The following PAM variants were observed in gnomAD, a reference collection of about 807,000 sequenced individuals.
PAM encodes the protein peptidyl-glycine alpha-amidating monooxygenase.
Under a neutral mutation model 122.1 loss-of-function variants are expected in PAM, and 72 were observed. The ratio of observed to expected loss-of-function variants is 0.59; its 90% CI spans 0.49 to 0.72. The LOEUF (loss-of-function observed/expected upper bound fraction) is 0.72, where lower values mean the gene tolerates loss of function less well. Among genes scored for constraint, PAM ranks in the 30% least tolerant of loss-of-function variants. PAM has a pLI of 0.00. For synonymous variants in PAM, 389 were observed against 404.4 expected, an observed-to-expected ratio of 0.96 and a Z score of 0.46; for missense variants, 1,106 against 1,183.7, an observed-to-expected ratio of 0.93 and a Z score of 0.96.
At chr5:102,980,953 T>A (rs77813341) in intron 15 of PAM, among the ~76,000 whole-genome samples, 4,838 of 152,290 alleles carry the variant, frequency 0.032, 260 homozygotes, top group African/African-American at 0.11. Context: ...TTACACATCA[T>A]CTTTACTGTT....
At chr5:102,833,231 A>G (rs1380061940) in intron 1 of PAM, among the ~76,000 whole-genome samples, 3 of 152,052 alleles carry the variant, frequency 2.0e-5, no homozygotes, top group Non-Finnish European at 4.4e-5. Flanking sequence ...TTGGTTGGGG[A>G]AATTTAGAGG....
chr5:102,918,380 C>T (rs979810652), intron 5 of PAM, among the ~76,000 whole-genome samples: 1 of 152,058 alleles, frequency 6.6e-6, no homozygotes, highest in African/African-American at 2.4e-5. Flanking sequence ...GATTTATTAG[C>T]TGAATATGAG....
chr5:102,844,477 GGTAA>G (rs1304385591), intron 1 of PAM, among the ~76,000 whole-genome samples: 1 of 152,020 alleles, frequency 6.6e-6, no homozygotes, highest in African/African-American at 2.4e-5. Context: ...GACCAGCCTG[GGTAA>G]CATAGCGAGA....
At chr5:102,827,319 A>G (rs1222978502) in intron 1 of PAM, among the ~76,000 whole-genome samples, 3 of 148,656 alleles carry the variant, frequency 2.0e-5, no homozygotes, top group Admixed American at 6.7e-5. Flanking sequence ...TCCAAAATCC[A>G]AAAAAAAATC....
Position 103,007,617 on chromosome 5 carries a change from A to AT in PAM, c.2176dup (p.Ser726PhefsTer55). 6.2e-7 allele frequency: 1 copy of AT among 1,613,124 alleles called. No individual in the cohort carries two copies. The highest frequency in any genetic ancestry group is 1.1e-5 in the South Asian group (1 of 91,072). ...AATTTGTGAGAGAGATTAAGCATTC[A>AT]TCATTTGGAAGAAATGTATTTGCAA... On this transcript the variant is annotated frameshift_variant, in exon 20 of 26. Transcript: ENST00000438793. LOFTEE classifies it high-confidence loss of function.
At chr5:102,873,223 T>C (rs1016235495) in intron 3 of PAM, 2 of 152,184 alleles carry the variant, frequency 1.3e-5, no homozygotes, top group South Asian at 2.1e-4. Context: ...AATTTCAGTC[T>C]TTCTCTTGGA....
intron 15 of PAM, among the ~76,000 whole-genome samples, chr5:102,983,521 A>T (rs542400669): frequency 6.6e-6 from 1 of 152,102 alleles, no homozygotes; most frequent in South Asian, 2.1e-4. Context: ...ATGTAATATG[A>T]TATATAGGAC....
At position 102,876,455 on chromosome 5, in the gene PAM, G is replaced by A. The variant is rs374311330; in HGVS notation, c.210+9062G>A. Reference sequence around the variant, plus strand: ...CCTGCACCACTCACATTTAAAGCCCGAGACTATATAGCTCCTTCCAAAGCC... The same window carrying A: ...CCTGCACCACTCACATTTAAAGCCCAAGACTATATAGCTCCTTCCAAAGCC... On this transcript the variant is annotated intron_variant, in intron 3 of 25. Transcript: ENST00000438793. 5.9e-5 allele frequency among the ~76,000 whole-genome samples: 9 copies of A among 152,076 alleles called. 1 individual carries two copies. The East Asian group carries it at 7.7e-4, about 13-fold the overall frequency.
chr5:102,867,441 T>C (rs1037402543), intron 3 of PAM, 48 bp downstream of exon 3: 4 of 1,466,030 alleles, frequency 2.7e-6, no homozygotes, highest in Non-Finnish European at 3.8e-6. Context: ...GGATACAATC[T>C]ATAATTAAAG....
intron 14 of PAM, among the ~76,000 whole-genome samples, chr5:102,963,245 C>T (rs1179499263): frequency 6.6e-6 from 1 of 151,906 alleles, no homozygotes; most frequent in Non-Finnish European, 1.5e-5. Context: ...CACATTTGTA[C>T]ACATAGTTCA....
In PAM at chr5:102,786,825, T is replaced by C. The variant is rs141987363; in HGVS notation, c.-374+31477T>C. 1.3e-3 allele frequency among the ~76,000 whole-genome samples: 195 copies of C among 152,194 alleles called. 1 individual carries two copies. The highest frequency in any genetic ancestry group is 4.6e-3 in the African/African-American group (189 of 41,526). The stretch of plus-strand genomic sequence containing the variant: ...AAGAAACAAGTAACTTACTACTCTT[T>C]TGATATGTGGTATAGAGGTCAAGAA... On this transcript the variant is annotated intron_variant, in intron 1 of 25. Transcript: ENST00000438793.
At chr5:102,925,585 G>A (rs1005283708) in intron 6 of PAM, among the ~76,000 whole-genome samples, 1 of 152,158 alleles carries the variant, frequency 6.6e-6, no homozygotes, top group African/African-American at 2.4e-5. Context: ...GTTCATGGAT[G>A]ATCTCGTGAT....
intron 1 of PAM, among the ~76,000 whole-genome samples, chr5:102,787,700 G>A (rs925306894): frequency 5.9e-5 from 9 of 152,058 alleles, no homozygotes; most frequent in African/African-American, 1.9e-4. Flanking sequence ...TAGGGGACCC[G>A]TAGTTCCTTC....
At position 102,950,708 on chromosome 5, in the gene PAM, T is replaced by C. The variant is rs753202750; in HGVS notation, c.802-9T>C. On this transcript the variant is annotated splice_polypyrimidine_tract_variant and intron_variant, in intron 11 of 25. Transcript: ENST00000438793. ...TATTAATGATTCATTGTGTTTGTCT[T>C]TTTGGTAGGCTTTCTACCCTGTGGG... is the stretch of plus-strand genomic sequence containing the variant. 1 of 1,552,330 alleles carries C rather than the reference T, an allele frequency of 6.4e-7. No homozygotes were observed. The highest frequency in any genetic ancestry group is 8.9e-7 in the Non-Finnish European group (1 of 1,125,328).
At position 102,813,723 on chromosome 5, in the gene PAM, G is replaced by A. The variant is rs1362956924; in HGVS notation, c.-373-52100G>A. Among the ~76,000 whole-genome samples, 3 of 152,128 alleles carry A rather than the reference G, an allele frequency of 2.0e-5. No homozygotes were observed. In the East Asian group the frequency reaches 5.8e-4, roughly 29 times the overall value. On this transcript the variant is annotated intron_variant, in intron 1 of 25. Coordinates refer to ENST00000438793, the MANE Select transcript of PAM (RefSeq NM_001177306.2). Reference sequence around the variant, plus strand: ...CTATGGAAATGAAATTCTATAACTGGAACAATTTTTCCATTAACTCCTCTA... The same window carrying A: ...CTATGGAAATGAAATTCTATAACTGAAACAATTTTTCCATTAACTCCTCTA...
chr5:102,803,228 A>C (rs1765357795), intron 1 of PAM, among the ~76,000 whole-genome samples: 1 of 137,286 alleles, frequency 7.3e-6, no homozygotes, highest in African/African-American at 2.7e-5. Context: ...GAAGGAAGGA[A>C]GGAAGGGAAA....
At chr5:102,791,283 G>A (rs764564528) in intron 1 of PAM, among the ~76,000 whole-genome samples, 2 of 152,034 alleles carry the variant, frequency 1.3e-5, no homozygotes, top group South Asian at 2.1e-4. Context: ...TGTTTGATAC[G>A]TATATGCCAA....
intron 7 of PAM, among the ~76,000 whole-genome samples, chr5:102,927,363 C>T (rs530150571): frequency 2.8e-4 from 43 of 152,282 alleles, no homozygotes; most frequent in South Asian, 8.3e-4. Context: ...CAACTGCATT[C>T]GGGTTCACAC....
Position 102,877,296 on chromosome 5 carries a change from G to C in PAM, c.210+9903G>C, listed in dbSNP as rs148743176. 3.9e-5 allele frequency among the ~76,000 whole-genome samples: 6 copies of C among 152,310 alleles called. No homozygotes were observed. The East Asian group carries it at 1.2e-3, about 29-fold the overall frequency. On this transcript the variant is annotated intron_variant, in intron 3 of 25. Coordinates refer to ENST00000438793, the MANE Select transcript of PAM (RefSeq NM_001177306.2). ...ATTAGTTAAGAAATGTTAGCAAGTAGCTAATGCAAGGCCCTATATGATAAA... is the reference window on the plus strand; with the variant it reads ...ATTAGTTAAGAAATGTTAGCAAGTACCTAATGCAAGGCCCTATATGATAAA...
Sources: gnomAD v4.1 joint callset for allele counts (sites outside exome capture counted in the v4.1 genomes callset) on GRCh38, gnomAD v4.1.1 for gene constraint, MANE v1.5 for transcripts, NCBI Gene and HGNC (gene_info 2026-07-23, HGNC 2026-07-21) for gene names.